The following WWOX variants were observed in gnomAD, a reference collection of about 807,000 sequenced individuals.
WWOX encodes the protein WW domain-containing oxidoreductase.
In WWOX, 69 loss-of-function variants were observed where a neutral mutation model predicts 46.2. The observed-to-expected ratio is 1.49, with a 90% confidence interval of 1.23 to 1.82. The LOEUF (loss-of-function observed/expected upper bound fraction) is 1.82, where lower values mean the gene tolerates loss of function less well. WWOX is among the 40% of genes most tolerant of loss of function. WWOX has a pLI of 0.00. For synonymous variants in WWOX, 359 were observed against 202.6 expected (o/e 1.77, Z -6.56); for missense variants, 919 against 542.6 (o/e 1.69, Z -6.89).
chr16:79,058,215 G>T (rs930102461), intron 8 of WWOX, among the ~76,000 whole-genome samples: 3 of 151,834 alleles, frequency 2.0e-5, no homozygotes, highest in Admixed American at 2.0e-4. Context: ...ATACAGGTGT[G>T]CCCTCCTTCC....
At chr16:78,759,116 G>T (rs1274785803) in intron 8 of WWOX, among the ~76,000 whole-genome samples, 1 of 152,078 alleles carries the variant, frequency 6.6e-6, no homozygotes, top group Non-Finnish European at 1.5e-5. Flanking sequence ...GCCAGTTAGG[G>T]ATTCCTGGCT....
At chr16:78,572,567 C>T (rs529600442) in intron 8 of WWOX, among the ~76,000 whole-genome samples, 33 of 131,786 alleles carry the variant, frequency 2.5e-4, no homozygotes, top group East Asian at 2.3e-4. Context: ...TGTACCACTG[C>T]ACTCCAGCCT....
At chr16:78,244,181 G>A (rs1377481522) in intron 5 of WWOX, among the ~76,000 whole-genome samples, 1 of 152,192 alleles carries the variant, frequency 6.6e-6, no homozygotes, top group African/African-American at 2.4e-5. Flanking sequence ...GGGTGATAAG[G>A]AGATGATAAT....
chr16:78,695,445 C>T (rs1030627429), intron 8 of WWOX, among the ~76,000 whole-genome samples: 18 of 152,130 alleles, frequency 1.2e-4, no homozygotes, highest in Admixed American at 1.0e-3. Flanking sequence ...CATTGATACC[C>T]TTCTTTTGGA....
chr16:78,415,489 G>A (rs537884909), intron 6 of WWOX, among the ~76,000 whole-genome samples: 120 of 152,220 alleles, frequency 7.9e-4, no homozygotes, highest in Non-Finnish European at 1.5e-3. Context: ...CAGCCCAGTA[G>A]GTCTCAATCT....
chr16:78,375,093 A>G (rs1332088262), intron 5 of WWOX, among the ~76,000 whole-genome samples: 4 of 152,188 alleles, frequency 2.6e-5, no homozygotes, highest in Non-Finnish European at 5.9e-5. Flanking sequence ...ATTTAAAAAT[A>G]TTTTCCAGTT....
At chr16:78,976,391 G>T (rs561419540) in intron 8 of WWOX, among the ~76,000 whole-genome samples, 3 of 152,316 alleles carry the variant, frequency 2.0e-5, no homozygotes, top group South Asian at 4.1e-4. Context: ...GGGCTGTGTG[G>T]TCAGAGTCTC....
At chr16:78,802,372 G>A (rs35194117) in intron 8 of WWOX, among the ~76,000 whole-genome samples, 32,927 of 151,752 alleles carry the variant, frequency 0.22, 3,783 homozygotes, top group South Asian at 0.26. Flanking sequence ...GTCTGTGAAT[G>A]GAATTGAACA....
chr16:78,875,795 T>C (rs2151208272), intron 8 of WWOX, among the ~76,000 whole-genome samples: 1 of 152,230 alleles, frequency 6.6e-6, no homozygotes, highest in East Asian at 1.9e-4. Context: ...AATCCTACAA[T>C]TGGTGACACG....
intron 8 of WWOX, among the ~76,000 whole-genome samples, chr16:78,579,777 G>A (rs1190813194): frequency 6.6e-6 from 1 of 151,908 alleles, no homozygotes; most frequent in Non-Finnish European, 1.5e-5. Context: ...TGAGAAATGA[G>A]GAGATAATAT....
chr16:78,263,270 A>T, intron 5 of WWOX, among the ~76,000 whole-genome samples: 1 of 152,192 alleles, frequency 6.6e-6, no homozygotes. Flanking sequence ...GACCAGGACA[A>T]CAGTGATTCT....
chr16:78,811,499 C>A (rs1228241102), intron 8 of WWOX, among the ~76,000 whole-genome samples: 1 of 151,296 alleles, frequency 6.6e-6, no homozygotes, highest in East Asian at 1.9e-4. Context: ...CTCCCTCTTT[C>A]TTTTCTTTCT....
intron 8 of WWOX, among the ~76,000 whole-genome samples, chr16:78,804,317 A>G (rs1209558746): frequency 6.6e-6 from 1 of 152,124 alleles, no homozygotes; most frequent in East Asian, 1.9e-4. Context: ...GGGCCATTGA[A>G]AACTCATTAC....
rs190268343 is a variant in WWOX at position 79,008,450 on chromosome 16, G to C, written c.1057-203158G>C. ...TTTGCTTGGTAGCCTAACTCACTCAGGGGGGCAAATTATCCCATCATATTC... is the reference window on the plus strand; with the variant it reads ...TTTGCTTGGTAGCCTAACTCACTCACGGGGGCAAATTATCCCATCATATTC... On this transcript the variant is annotated intron_variant, in intron 8 of 8. Transcript: ENST00000566780. Among the ~76,000 whole-genome samples the C allele has an allele frequency of 3.2e-3, 490 of 152,178 alleles. 4 individuals are homozygous for C. The highest frequency in any genetic ancestry group is 0.011 in the African/African-American group (465 of 41,508).
intron 8 of WWOX, among the ~76,000 whole-genome samples, chr16:79,124,413 A>T (rs1443306203): frequency 6.6e-6 from 1 of 152,196 alleles, no homozygotes; most frequent in African/African-American, 2.4e-5. Flanking sequence ...TGCTTTTTAA[A>T]ATACAACCGA....
At chr16:78,191,696 A>AATTT (rs1248371949) in intron 5 of WWOX, among the ~76,000 whole-genome samples, 1 of 152,164 alleles carries the variant, frequency 6.6e-6, no homozygotes, top group Non-Finnish European at 1.5e-5. Flanking sequence ...GATTTAGAAC[A>AATTT]AGGCAGGTTC....
intron 5 of WWOX, among the ~76,000 whole-genome samples, chr16:78,378,481 G>A (rs969800306): frequency 6.6e-6 from 1 of 152,102 alleles, no homozygotes; most frequent in Non-Finnish European, 1.5e-5. Flanking sequence ...CATTGCCACC[G>A]TTACCATTAC....
At chr16:78,847,397 A>G (rs997643146) in intron 8 of WWOX, among the ~76,000 whole-genome samples, 1 of 152,144 alleles carries the variant, frequency 6.6e-6, no homozygotes, top group Non-Finnish European at 1.5e-5. Context: ...TATTTATAAC[A>G]TATCAGTATC....
chr16:79,097,895 A>C (rs1042608197), intron 8 of WWOX, among the ~76,000 whole-genome samples: 3 of 152,128 alleles, frequency 2.0e-5, no homozygotes, highest in Admixed American at 6.5e-5. Context: ...TGAAGTTTCA[A>C]ACCACCAGGC....
Sources: gnomAD v4.1 joint callset for allele counts (sites outside exome capture counted in the v4.1 genomes callset) on GRCh38, gnomAD v4.1.1 for gene constraint, MANE v1.5 for transcripts, NCBI Gene and HGNC (gene_info 2026-07-23, HGNC 2026-07-21) for gene names.